The following SUGCT variants were observed in gnomAD, a reference collection of about 807,000 sequenced individuals.
SUGCT encodes succinyl-CoA:glutarate CoA-transferase.
A neutral mutation model predicts 55.0 loss-of-function variants in SUGCT; 41 were observed. That is an observed-to-expected ratio of 0.74 (90% CI 0.58 to 0.97). The LOEUF (loss-of-function observed/expected upper bound fraction) is 0.97, where lower values mean the gene tolerates loss of function less well. SUGCT is among the 50% of genes least tolerant of loss of function. The pLI, the probability that SUGCT is intolerant of heterozygous loss-of-function variation, is 0.00. For missense variants in SUGCT, 568 were observed against 547.8 expected (o/e 1.04, Z -0.37); for synonymous variants, 187 against 200.4 (o/e 0.93, Z 0.56).
chr7:40,514,435 G>A (rs987561602), intron 12 of SUGCT, among the ~76,000 whole-genome samples: 4 of 151,954 alleles, frequency 2.6e-5, no homozygotes, highest in Non-Finnish European at 5.9e-5. Context: ...AAGGCCAGGC[G>A]TGGGGGCTCA....
At chr7:40,655,309 A>T (rs1316512657) in intron 12 of SUGCT, among the ~76,000 whole-genome samples, 1 of 152,194 alleles carries the variant, frequency 6.6e-6, no homozygotes, top group South Asian at 2.1e-4. Flanking sequence ...AAAATTAAAA[A>T]TTAAAAAAAT....
At chr7:40,550,914 C>T (rs1422929131) in intron 12 of SUGCT, among the ~76,000 whole-genome samples, 1 of 152,170 alleles carries the variant, frequency 6.6e-6, no homozygotes, top group Non-Finnish European at 1.5e-5. Context: ...CAAAATCTTA[C>T]TGCAGCACTT....
the SUGCT span, among the ~76,000 whole-genome samples, chr7:40,925,331 C>T: frequency 6.6e-6 from 1 of 152,134 alleles, no homozygotes; most frequent in African/African-American, 2.4e-5. Flanking sequence ...CTGCATGACT[C>T]TTTCAATTTG....
chr7:40,763,058 C>T (rs1364802809), intron 13 of SUGCT, among the ~76,000 whole-genome samples: 1 of 151,984 alleles, frequency 6.6e-6, no homozygotes, highest in Non-Finnish European at 1.5e-5. Context: ...CTCAGGTGAT[C>T]CTCCCACCTC....
chr7:40,229,087 A>G (rs1335609838), intron 6 of SUGCT, among the ~76,000 whole-genome samples: 1 of 152,148 alleles, frequency 6.6e-6, no homozygotes, highest in Non-Finnish European at 1.5e-5. Flanking sequence ...GGAATCAGCC[A>G]TTTCTTCAAG....
At chr7:40,247,879 G>A (rs373077999) in intron 7 of SUGCT, among the ~76,000 whole-genome samples, 1,484 of 119,742 alleles carry the variant, frequency 0.012, 18 homozygotes, top group African/African-American at 0.035. Flanking sequence ...TTTTATTTAA[G>A]TCAAATTAGT....
intron 12 of SUGCT, among the ~76,000 whole-genome samples, chr7:40,682,527 G>A (rs968998173): frequency 1.3e-5 from 2 of 152,182 alleles, no homozygotes; most frequent in East Asian, 3.8e-4. Context: ...GGTAGATAAT[G>A]TCAGCACTGA....
chr7:40,135,706 G>GA (rs1787648572), intron 1 of SUGCT, among the ~76,000 whole-genome samples: 1 of 152,018 alleles, frequency 6.6e-6, no homozygotes, highest in Non-Finnish European at 1.5e-5. Context: ...GCCCAGGCTG[G>GA]ACTGCAGTGG....
chr7:40,926,842 C>T, the SUGCT span, among the ~76,000 whole-genome samples: 9,998 of 152,206 alleles, frequency 0.066, 1,124 homozygotes, highest in African/African-American at 0.23. Context: ...GTTATGGCAG[C>T]CCAACCAGAC....
intron 12 of SUGCT, among the ~76,000 whole-genome samples, chr7:40,642,628 G>A (rs935729499): frequency 1.1e-4 from 16 of 152,194 alleles, no homozygotes; most frequent in African/African-American, 3.9e-4. Flanking sequence ...TGGAATACTG[G>A]AAGGTAAGAG....
chr7:40,391,675 C>A (rs895511196), intron 9 of SUGCT, among the ~76,000 whole-genome samples: 2 of 152,164 alleles, frequency 1.3e-5, no homozygotes, highest in Admixed American at 1.3e-4. Flanking sequence ...AACACTTTTA[C>A]ACTGTTGGTG....
chr7:40,944,027 C>T, the SUGCT span, among the ~76,000 whole-genome samples: 1 of 151,566 alleles, frequency 6.6e-6, no homozygotes. Context: ...TCTCTGATGG[C>T]CAGTGATGAT....
the SUGCT span, among the ~76,000 whole-genome samples, chr7:41,013,834 A>G: frequency 1.3e-5 from 2 of 151,984 alleles, no homozygotes; most frequent in Non-Finnish European, 2.9e-5. Flanking sequence ...CTCTCATGAC[A>G]ATATTTCAGG....
intron 13 of SUGCT, among the ~76,000 whole-genome samples, chr7:40,799,181 T>C (rs944921032): frequency 6.6e-6 from 1 of 152,192 alleles, no homozygotes; most frequent in Non-Finnish European, 1.5e-5. Context: ...CTGGAGCTGA[T>C]GCCTCCTTTT....
chr7:40,707,221 T>G (rs1295462605), intron 12 of SUGCT, among the ~76,000 whole-genome samples: 1 of 150,336 alleles, frequency 6.7e-6, no homozygotes, highest in Non-Finnish European at 1.5e-5. Context: ...AAGAAAATGC[T>G]GCAAAATCTA....
At chr7:40,948,425 C>T in the SUGCT span, among the ~76,000 whole-genome samples, 1 of 138,434 alleles carries the variant, frequency 7.2e-6, no homozygotes, top group African/African-American at 2.8e-5. Flanking sequence ...AACTTCCTCC[C>T]TGAAAAACAT....
At chr7:40,517,810 TGC>T (rs2151567465) in intron 12 of SUGCT, among the ~76,000 whole-genome samples, 1 of 152,230 alleles carries the variant, frequency 6.6e-6, no homozygotes, top group South Asian at 2.1e-4. Context: ...AAGGTCCTCA[TGC>T]TGTCATTCTG....
chr7:40,452,915 A>G (rs1190106430), intron 10 of SUGCT, among the ~76,000 whole-genome samples: 1 of 152,188 alleles, frequency 6.6e-6, no homozygotes, highest in Non-Finnish European at 1.5e-5. Flanking sequence ...AGTAAATAGT[A>G]AGAGATTTAG....
intron 13 of SUGCT, among the ~76,000 whole-genome samples, chr7:40,761,803 A>G (rs1207349963): frequency 6.6e-6 from 1 of 152,188 alleles, no homozygotes; most frequent in African/African-American, 2.4e-5. Context: ...AATTGGCTGG[A>G]TTGTGCTAAC....
Sources: gnomAD v4.1 joint callset for allele counts (sites outside exome capture counted in the v4.1 genomes callset) on GRCh38, gnomAD v4.1.1 for gene constraint, MANE v1.5 for transcripts, NCBI Gene and HGNC (gene_info 2026-07-23, HGNC 2026-07-21) for gene names.